Variants in LY96 observed in about 807,000 individuals in gnomAD.
LY96 encodes the protein lymphocyte antigen 96, also known as myeloid differentiation protein-2.
LY96 carries 18 observed loss-of-function variants against 18.9 expected under a neutral mutation model. The observed-to-expected ratio is 0.95, with a 90% CI of 0.66 to 1.41. The LOEUF (loss-of-function observed/expected upper bound fraction) is 1.41, where lower values mean the gene tolerates loss of function less well. Among genes scored for constraint, LY96 ranks in the 40% most tolerant of loss-of-function variants. The pLI, the probability that LY96 is intolerant of heterozygous loss-of-function variation, is 0.00. For missense variants in LY96, 175 were observed against 182.4 expected, an observed-to-expected ratio of 0.96 and a Z score of 0.23; for synonymous variants, 66 against 62.6, an observed-to-expected ratio of 1.06 and a Z score of -0.26.
At chr8:74,086,083 G>A in the LY96 span, among the ~76,000 whole-genome samples, 3 of 152,108 alleles carry the variant, frequency 2.0e-5, no homozygotes, top group South Asian at 6.2e-4. Flanking sequence ...TCTATCCTCT[G>A]TTTTCTATGG....
At chr8:74,009,179 G>A (rs1444028948) in intron 2 of LY96, among the ~76,000 whole-genome samples, 3 of 151,478 alleles carry the variant, frequency 2.0e-5, no homozygotes, top group African/African-American at 4.9e-5. Context: ...GGTGGATCAC[G>A]AGGTCAGGAG....
intron 3 of LY96, among the ~76,000 whole-genome samples, chr8:74,014,133 C>G (rs528089482): frequency 6.6e-6 from 1 of 151,412 alleles, no homozygotes; most frequent in East Asian, 1.9e-4. Context: ...ATGTGGCAGG[C>G]AAGGATTAGG....
chr8:74,004,453 G>T (rs982119315), intron 1 of LY96, among the ~76,000 whole-genome samples: 7 of 152,158 alleles, frequency 4.6e-5, no homozygotes, highest in Admixed American at 6.5e-5. Flanking sequence ...ACCACACCAG[G>T]GTAATAATCT....
At chr8:73,996,777 C>T (rs1228579128) in intron 1 of LY96, among the ~76,000 whole-genome samples, 3 of 151,924 alleles carry the variant, frequency 2.0e-5, no homozygotes, top group African/African-American at 7.3e-5. Context: ...TGGGGTCTTG[C>T]TCTGTTGCCC....
intron 3 of LY96, among the ~76,000 whole-genome samples, chr8:74,012,172 C>G (rs1816545956): frequency 6.6e-6 from 1 of 152,124 alleles, no homozygotes; most frequent in African/African-American, 2.4e-5. Context: ...TTCCATCTAG[C>G]AATTTCACTA....
the LY96 span, chr8:74,056,343 C>A: frequency 2.9e-6 from 1 of 350,310 alleles, no homozygotes; most frequent in Non-Finnish European, 5.5e-6. Context: ...ACAGGTCTGA[C>A]AAATCCGGAA....
chr8:74,071,641 C>T, the LY96 span, among the ~76,000 whole-genome samples: 1 of 152,218 alleles, frequency 6.6e-6, no homozygotes, highest in East Asian at 1.9e-4. Flanking sequence ...AGTCCACTGC[C>T]TCTCACCTCC....
the LY96 span, among the ~76,000 whole-genome samples, chr8:74,095,385 G>A: frequency 1.3e-5 from 2 of 152,176 alleles, no homozygotes; most frequent in Non-Finnish European, 2.9e-5. Flanking sequence ...GGGCCATAGG[G>A]ATTGTTGCTT....
At chr8:73,992,804 T>C in intron 1 of LY96, among the ~76,000 whole-genome samples, 1 of 151,958 alleles carries the variant, frequency 6.6e-6, no homozygotes, top group Non-Finnish European at 1.5e-5. Flanking sequence ...TCTCCTCCTT[T>C]GGCTCTTTTG....
chr8:73,991,662 T>C (rs1816007291), intron 1 of LY96, 108 bp downstream of exon 1: 3 of 731,436 alleles, frequency 4.1e-6, no homozygotes, highest in South Asian at 1.4e-5. Flanking sequence ...ATCAGTGTGT[T>C]CCAGCTGCTG....
chr8:74,024,823 T>C (rs1012379147), intron 3 of LY96, among the ~76,000 whole-genome samples: 1 of 152,146 alleles, frequency 6.6e-6, no homozygotes, highest in African/African-American at 2.4e-5. Flanking sequence ...ATTTTAATTT[T>C]ATTTTAATTT....
downstream of LY96, among the ~76,000 whole-genome samples, chr8:74,030,373 C>T (rs1029153107): frequency 2.0e-5 from 3 of 152,098 alleles, no homozygotes; most frequent in African/African-American, 7.2e-5. Context: ...ATTAGCTGGG[C>T]CTGGTGGCAT....
chr8:73,993,131 G>A (rs1264559086), intron 1 of LY96, among the ~76,000 whole-genome samples: 1 of 151,932 alleles, frequency 6.6e-6, no homozygotes, highest in Non-Finnish European at 1.5e-5. Context: ...AAAGTGCTGG[G>A]ATTACAGGCG....
chr8:74,051,120 G>T, the LY96 span, among the ~76,000 whole-genome samples: 1 of 152,176 alleles, frequency 6.6e-6, no homozygotes, highest in Non-Finnish European at 1.5e-5. Context: ...TGGCCAATGG[G>T]CAGAAGACAC....
chr8:74,058,708 T>C, the LY96 span, among the ~76,000 whole-genome samples: 2 of 152,082 alleles, frequency 1.3e-5, no homozygotes, highest in Non-Finnish European at 2.9e-5. Flanking sequence ...TAAGTAGAGA[T>C]GGGGTTTCAT....
chr8:74,064,659 A>G, the LY96 span, among the ~76,000 whole-genome samples: 1 of 152,154 alleles, frequency 6.6e-6, no homozygotes, highest in African/African-American at 2.4e-5. Context: ...TGGTGGTGCC[A>G]GGCTTCCTAT....
At chr8:74,080,901 G>C in the LY96 span, among the ~76,000 whole-genome samples, 1 of 152,202 alleles carries the variant, frequency 6.6e-6, no homozygotes, top group Non-Finnish European at 1.5e-5. Context: ...AAGAGAGACT[G>C]AATCAGTTTA....
the LY96 span, among the ~76,000 whole-genome samples, chr8:74,094,196 G>A: frequency 1.3e-5 from 2 of 152,074 alleles, no homozygotes; most frequent in African/African-American, 2.4e-5. Context: ...TAAAATGTGT[G>A]GGTTGGCAAG....
At chr8:74,011,418 A>G (rs1369624835) in intron 3 of LY96, among the ~76,000 whole-genome samples, 1 of 152,246 alleles carries the variant, frequency 6.6e-6, no homozygotes, top group African/African-American at 2.4e-5. Context: ...CTGCATAGCA[A>G]AAGAAATAAT....
Sources: gnomAD v4.1 joint callset for allele counts (sites outside exome capture counted in the v4.1 genomes callset) on GRCh38, gnomAD v4.1.1 for gene constraint, MANE v1.5 for transcripts, NCBI Gene and HGNC (gene_info 2026-07-23, HGNC 2026-07-21) for gene names.